RAP1GDS1: variants seen among roughly 807,000 people sequenced by gnomAD.
RAP1GDS1 encodes the protein Rap1 GTPase-GDP dissociation stimulator 1.
RAP1GDS1 carries 35 observed loss-of-function variants against 71.1 expected under a neutral mutation model. The ratio of observed to expected loss-of-function variants is 0.49; its 90% CI spans 0.38 to 0.65. The LOEUF (loss-of-function observed/expected upper bound fraction) is 0.65, where lower values mean the gene tolerates loss of function less well. Among genes scored for constraint, RAP1GDS1 ranks in the 30% least tolerant of loss-of-function variants. The pLI is 0.00. For synonymous variants in RAP1GDS1, 229 were observed against 243.1 expected, an observed-to-expected ratio of 0.94 and a Z score of 0.54; for missense variants, 663 against 706.1, an observed-to-expected ratio of 0.94 and a Z score of 0.69.
chr4:98,401,404 A>C (rs1745388658), intron 6 of RAP1GDS1, among the ~76,000 whole-genome samples: 1 of 152,208 alleles, frequency 6.6e-6, no homozygotes, highest in South Asian at 2.1e-4. Flanking sequence ...AACACAGGAA[A>C]GAAAGAAAAC....
chr4:98,333,323 T>G (rs1220304124), intron 2 of RAP1GDS1, among the ~76,000 whole-genome samples: 2 of 152,126 alleles, frequency 1.3e-5, no homozygotes, highest in East Asian at 3.9e-4. Flanking sequence ...ATTTTAATTC[T>G]TAGTAACAAT....
chr4:98,439,562 T>C (rs1751625655), intron 14 of RAP1GDS1, among the ~76,000 whole-genome samples: 1 of 152,200 alleles, frequency 6.6e-6, no homozygotes. Context: ...AGATCTTTAA[T>C]TATAGTCTTG....
chr4:98,340,824 G>A (rs1377993199), intron 2 of RAP1GDS1, among the ~76,000 whole-genome samples: 1 of 151,958 alleles, frequency 6.6e-6, no homozygotes, highest in Non-Finnish European at 1.5e-5. Flanking sequence ...TAAACATTGA[G>A]TACATATGGA....
chr4:98,388,172 A>T (rs1237717766), intron 5 of RAP1GDS1, among the ~76,000 whole-genome samples: 2 of 152,210 alleles, frequency 1.3e-5, no homozygotes, highest in African/African-American at 4.8e-5. Context: ...CTGAATTGTA[A>T]CATCTACATA....
intron 4 of RAP1GDS1, among the ~76,000 whole-genome samples, chr4:98,368,691 GTTA>G (rs751374980): frequency 3.9e-5 from 6 of 152,004 alleles, no homozygotes; most frequent in Non-Finnish European, 5.9e-5. Context: ...GTATGATTAT[GTTA>G]TTATTAAATT....
At chr4:98,370,002 C>G (rs904434358) in intron 4 of RAP1GDS1, among the ~76,000 whole-genome samples, 1 of 152,156 alleles carries the variant, frequency 6.6e-6, no homozygotes, top group Admixed American at 6.5e-5. Context: ...CTGACTCCTC[C>G]AGGTAAAAGT....
chr4:98,414,970 T>C (rs1215852298), intron 7 of RAP1GDS1, among the ~76,000 whole-genome samples: 5 of 152,206 alleles, frequency 3.3e-5, no homozygotes, highest in African/African-American at 1.2e-4. Flanking sequence ...TTTATTCTCT[T>C]TGAAGCAATT....
Position 98,345,052 on chromosome 4 carries a change from C to T in RAP1GDS1, c.235+1791C>T, listed in dbSNP as rs75387155. On this transcript the variant is annotated intron_variant, in intron 3 of 14. Coordinates refer to ENST00000408927, the MANE Select transcript of RAP1GDS1 (RefSeq NM_001100427.2). ...CTCCCTATGTTGCCCAGGCTTGTCT[C>T]GAACTCCTGGATTCAAGGGATCCTC... Among the ~76,000 whole-genome samples the T allele has an allele frequency of 3.8e-3, 586 of 152,226 alleles. 6 individuals are homozygous for T. The highest frequency in any genetic ancestry group is 0.013 in the African/African-American group (557 of 41,556).
intron 1 of RAP1GDS1, among the ~76,000 whole-genome samples, chr4:98,276,769 C>G (rs1724267149): frequency 6.6e-6 from 1 of 152,164 alleles, no homozygotes; most frequent in South Asian, 2.1e-4. Flanking sequence ...CCTGTGCAAC[C>G]TCAATGAGTT....
intron 1 of RAP1GDS1, among the ~76,000 whole-genome samples, chr4:98,267,621 A>G (rs1489635287): frequency 6.6e-6 from 1 of 152,070 alleles, no homozygotes; most frequent in Non-Finnish European, 1.5e-5. Context: ...TTCTATGTTA[A>G]TTTGCTTAGG....
At chr4:98,376,613 G>A (rs1429689842) in intron 4 of RAP1GDS1, among the ~76,000 whole-genome samples, 3 of 151,830 alleles carry the variant, frequency 2.0e-5, no homozygotes, top group African/African-American at 7.2e-5. Context: ...TGCTTTTACT[G>A]TGTTTCTCAG....
chr4:98,333,433 C>T (rs913143709), intron 2 of RAP1GDS1, among the ~76,000 whole-genome samples: 1 of 151,736 alleles, frequency 6.6e-6, no homozygotes, highest in African/African-American at 2.4e-5. Context: ...AAATGTTTCC[C>T]CATAATTTTT....
At chr4:98,366,612 T>G (rs1354722806) in intron 4 of RAP1GDS1, among the ~76,000 whole-genome samples, 1 of 152,154 alleles carries the variant, frequency 6.6e-6, no homozygotes, top group Non-Finnish European at 1.5e-5. Flanking sequence ...CTTGAATGGC[T>G]TTGCCCAAAA....
intron 14 of RAP1GDS1, among the ~76,000 whole-genome samples, chr4:98,438,907 G>C (rs140400250): frequency 1.3e-5 from 2 of 151,834 alleles, no homozygotes; most frequent in African/African-American, 2.4e-5. Flanking sequence ...AGCCTCTCAC[G>C]TATATCATTC....
intron 7 of RAP1GDS1, among the ~76,000 whole-genome samples, chr4:98,413,377 C>G (rs1320397354): frequency 6.6e-6 from 1 of 151,932 alleles, no homozygotes; most frequent in South Asian, 2.1e-4. Context: ...CCGCTCCCCC[C>G]ACCCCACCAC....
At chr4:98,359,423 A>G (rs1298423607) in intron 4 of RAP1GDS1, among the ~76,000 whole-genome samples, 1 of 152,162 alleles carries the variant, frequency 6.6e-6, no homozygotes. Context: ...TTAAGTAGTA[A>G]AGAGGGCACT....
intron 4 of RAP1GDS1, among the ~76,000 whole-genome samples, chr4:98,376,367 CATT>C (rs1259681052): frequency 1.3e-4 from 20 of 151,972 alleles, no homozygotes; most frequent in Admixed American, 4.6e-4. Flanking sequence ...CAATAATACT[CATT>C]ATGATAATGT....
chr4:98,313,653 T>C lies in RAP1GDS1; in HGVS notation c.112+20138T>C, dbSNP rs552213794. Among the ~76,000 whole-genome samples the C allele has an allele frequency of 5.9e-5, 9 of 152,186 alleles. No individual in the cohort carries two copies. The East Asian group carries it at 1.7e-3, about 29-fold the overall frequency. ...TGAGCCCAGGAGTTCAAGATCAGCC[T>C]GGGCAACATAGTGAGACCTCATCGC... On this transcript the variant is annotated intron_variant, in intron 2 of 14. Coordinates refer to ENST00000408927, the MANE Select transcript of RAP1GDS1 (RefSeq NM_001100427.2).
intron 2 of RAP1GDS1, among the ~76,000 whole-genome samples, chr4:98,325,833 TAGTG>T (rs1171040976): frequency 1.4e-5 from 2 of 147,928 alleles, no homozygotes; most frequent in Admixed American, 1.3e-4. Context: ...GATGACGAGT[TAGTG>T]GGTGCAGCGC....
Sources: allele counts gnomAD v4.1 joint callset (sites outside exome capture counted in the v4.1 genomes callset), GRCh38; gene constraint gnomAD v4.1.1; transcripts MANE v1.5; gene names NCBI Gene and HGNC (gene_info 2026-07-23, HGNC 2026-07-21).